Variants in VEZT observed in about 807,000 individuals in gnomAD.
The protein encoded by VEZT is vezatin, adherens junctions transmembrane protein, also known as vezatin.
A neutral mutation model predicts 79.9 loss-of-function variants in VEZT; 39 were observed. The ratio of observed to expected loss-of-function variants is 0.49; its 90% confidence interval spans 0.38 to 0.64. VEZT has a LOEUF of 0.64. Among genes scored for constraint, VEZT ranks in the 30% least tolerant of loss-of-function variants. The pLI is 0.00. For synonymous variants in VEZT, 325 were observed against 327.6 expected (o/e 0.99, Z 0.09); for missense variants, 837 against 893.1 (o/e 0.94, Z 0.80).
chr12:95,275,278 G>T (rs2067419306), intron 7 of VEZT, among the ~76,000 whole-genome samples: 1 of 152,044 alleles, frequency 6.6e-6, no homozygotes, highest in African/African-American at 2.4e-5. Flanking sequence ...CCACATGAAA[G>T]GATACATTTA....
intron 3 of VEZT, 108 bp from the exon 4 acceptor site, chr12:95,262,798 T>C: frequency 3.0e-6 from 3 of 990,970 alleles, no homozygotes; most frequent in Middle Eastern, 3.6e-4. Flanking sequence ...TCTTGAAGTA[T>C]CTTCTGAAAA....
intron 1 of VEZT, among the ~76,000 whole-genome samples, chr12:95,247,807 T>A (rs1230947741): frequency 3.3e-5 from 5 of 152,198 alleles, no homozygotes; most frequent in Non-Finnish European, 4.4e-5. Flanking sequence ...GTAAGCATAA[T>A]GAATAGAACT....
intron 9 of VEZT, among the ~76,000 whole-genome samples, chr12:95,288,568 A>G (rs2071621019): frequency 6.6e-6 from 1 of 152,152 alleles, no homozygotes; most frequent in Admixed American, 6.5e-5. Flanking sequence ...TAGAATTTGC[A>G]TTGTTGCTAA....
At chr12:95,289,780 T>C (rs1046368658) in intron 9 of VEZT, among the ~76,000 whole-genome samples, 53 of 152,246 alleles carry the variant, frequency 3.5e-4, no homozygotes, top group Admixed American at 5.2e-4. Context: ...AAAGGTCTTA[T>C]TTTGAAATCA....
chr12:95,280,646 G>C (rs1263615192), intron 7 of VEZT, among the ~76,000 whole-genome samples: 1 of 151,840 alleles, frequency 6.6e-6, no homozygotes, highest in African/African-American at 2.4e-5. Flanking sequence ...AAGGGAAATA[G>C]TATCTTTTAC....
At chr12:95,275,791 A>G (rs1483397542) in intron 7 of VEZT, 1 of 152,084 alleles carries the variant, frequency 6.6e-6, no homozygotes, top group Non-Finnish European at 1.5e-5. Flanking sequence ...GTGAGGTTGT[A>G]TTTTACAACG....
rs1160087125 is a variant in VEZT, at chr12:95,302,008, T to A, written c.*1335T>A. ...TGCCTTTTTGCCAAAATCCTGGAAC[T>A]CATCTATAATTAACCTCTTCGGAGC... On this transcript the variant is annotated 3_prime_UTR_variant, in exon 12 of 12. Coordinates refer to ENST00000436874, the MANE Select transcript of VEZT (RefSeq NM_017599.4). 1 of 152,234 alleles carries A rather than the reference T, an allele frequency of 6.6e-6. No homozygotes were observed. Among genetic ancestry groups the A allele is most frequent in the African/African-American group, 2.4e-5 (1 of 41,470 alleles). 9.4% of individuals were successfully genotyped at this position (152,234 alleles called of 1,614,324 possible).
At chr12:95,229,064 C>T (rs2058879138) in intron 1 of VEZT, among the ~76,000 whole-genome samples, 1 of 152,130 alleles carries the variant, frequency 6.6e-6, no homozygotes, top group East Asian at 1.9e-4. Context: ...AGAAGAAATT[C>T]CATGTTTAAT....
intron 6 of VEZT, among the ~76,000 whole-genome samples, chr12:95,272,569 C>T (rs1446642929): frequency 6.6e-6 from 1 of 152,160 alleles, no homozygotes; most frequent in Non-Finnish European, 1.5e-5. Flanking sequence ...AAAGAATCCA[C>T]CAATCATTTT....
At chr12:95,239,008 G>T (rs115190732) in intron 1 of VEZT, among the ~76,000 whole-genome samples, 34 of 152,236 alleles carry the variant, frequency 2.2e-4, no homozygotes, top group African/African-American at 7.2e-4. Context: ...GCAGAGAAAA[G>T]TATATAGTAT....
intron 1 of VEZT, chr12:95,244,080 CTCTTT>C (rs2137466083): frequency 5.3e-5 from 22 of 418,514 alleles, no homozygotes; most frequent in South Asian, 1.0e-4. Context: ...AGACTAAAAA[CTCTTT>C]TTTTTTTTTC....
intron 2 of VEZT, among the ~76,000 whole-genome samples, chr12:95,256,317 C>T (rs1486689189): frequency 2.0e-5 from 3 of 152,200 alleles, no homozygotes; most frequent in Non-Finnish European, 4.4e-5. Context: ...TCCCAAAGTG[C>T]TGGGGTTACA....
chr12:95,227,413 T>C (rs2058657834), intron 1 of VEZT, among the ~76,000 whole-genome samples: 1 of 149,712 alleles, frequency 6.7e-6, no homozygotes, highest in Non-Finnish European at 1.5e-5. Context: ...TGATCTCGGG[T>C]CACTGCAACC....
At chr12:95,230,508 C>T (rs1412860681) in intron 1 of VEZT, among the ~76,000 whole-genome samples, 2 of 150,614 alleles carry the variant, frequency 1.3e-5, no homozygotes, top group Non-Finnish European at 2.9e-5. Context: ...GCCTTGAACT[C>T]CTAGGCTCCA....
At chr12:95,254,819 G>A (rs529451929) in intron 2 of VEZT, among the ~76,000 whole-genome samples, 18 of 152,256 alleles carry the variant, frequency 1.2e-4, no homozygotes, top group African/African-American at 3.9e-4. Flanking sequence ...ACCATCCTTA[G>A]CATTAATTGC....
At chr12:95,235,568 G>A (rs1403530378) in intron 1 of VEZT, among the ~76,000 whole-genome samples, 3 of 144,928 alleles carry the variant, frequency 2.1e-5, no homozygotes, top group Non-Finnish European at 3.1e-5. Flanking sequence ...CCTCCCGGAC[G>A]GGGCGGCTGG....
chr12:95,243,969 G>A (rs2061388626), intron 1 of VEZT: 1 of 456,038 alleles, frequency 2.2e-6, no homozygotes, highest in Non-Finnish European at 4.4e-6. Flanking sequence ...GAAGCCAGTG[G>A]CATGCTCTTG....
At chr12:95,285,471 A>G (rs1257407466) in intron 8 of VEZT, among the ~76,000 whole-genome samples, 1 of 151,924 alleles carries the variant, frequency 6.6e-6, no homozygotes, top group Non-Finnish European at 1.5e-5. Context: ...AATAAAAAGA[A>G]CAACCTTCCT....
chr12:95,287,741 C>A lies in VEZT; in HGVS notation c.1406C>A (p.Pro469His). 6.2e-7 allele frequency: 1 copy of A among 1,602,426 alleles called. No homozygotes were observed. The highest frequency in any genetic ancestry group is 8.5e-7 in the Non-Finnish European group (1 of 1,173,924). ...CAAGAACTAGTGTCAGAGGCTTATC[C>A]CATCCTAGAACAGAAATTAAAGTTG... The part of the protein sequence containing the change: ...ETQELVSEAY[P>H]ILEQKLKLIQ... Residue 469 changes from proline (P) to histidine (H), a missense_variant, in exon 9 of 12, where the codon CCC (proline) becomes CAC (histidine). Coordinates refer to ENST00000436874, the MANE Select transcript of VEZT (RefSeq NM_017599.4).
Sources: allele counts gnomAD v4.1 joint callset (sites outside exome capture counted in the v4.1 genomes callset), GRCh38; gene constraint gnomAD v4.1.1; transcripts MANE v1.5; gene names NCBI Gene and HGNC (gene_info 2026-07-23, HGNC 2026-07-21).